The following NAV2 variants were observed in gnomAD, a reference collection of about 807,000 sequenced individuals.
NAV2 encodes neuron navigator 2, also known as helicase, APC down-regulated 1.
Under a neutral mutation model 223.2 loss-of-function variants are expected in NAV2, and 54 were observed. That is an observed-to-expected ratio of 0.24 (90% CI 0.19 to 0.30). NAV2 has a LOEUF of 0.30. Among genes scored for constraint, NAV2 ranks in the 10% least tolerant of loss-of-function variants. The pLI is 1.00. For synonymous variants in NAV2, 1,279 were observed against 1,239.3 expected (o/e 1.03, Z -0.67); for missense variants, 2,806 against 3,147.5 (o/e 0.89, Z 2.60).
chr11:19,892,444 C>G lies in NAV2; in HGVS notation c.781C>G (p.Pro261Ala). ...QAEMQSRLPGPTARVSAAGSE... is the reference protein window; with the variant it reads ...QAEMQSRLPGATARVSAAGSE... ...GCTTTTGCATTTTAGACTTCCAGGT[C>G]CTACCGCGAGGGTATCCGCTGCAGG... The change falls in exon 6 of 38, where the codon CCT becomes GCT. Residue 261 changes from proline to alanine, a missense_variant. Physicochemically the swap from Pro to Ala is conservative, Grantham distance 27. Around this residue, in one of 4 missense-constraint regions of NAV2, gnomAD observed 1,167 missense variants for 1,180.5 expected, o/e 0.99. Transcript: ENST00000349880. 6.2e-7 allele frequency: 1 copy of G among 1,613,822 alleles called. No individual in the cohort carries two copies. The highest frequency in any genetic ancestry group is 1.1e-5 in the South Asian group (1 of 90,994).
chr11:19,656,497 A>G (rs948591209), intron 1 of NAV2, among the ~76,000 whole-genome samples: 12 of 152,224 alleles, frequency 7.9e-5, no homozygotes, highest in African/African-American at 2.9e-4. Flanking sequence ...GGGAAGGAGC[A>G]CAGAGCCAGA....
At chr11:19,659,674 G>A (rs1186414217) in intron 1 of NAV2, among the ~76,000 whole-genome samples, 1 of 152,000 alleles carries the variant, frequency 6.6e-6, no homozygotes, top group Non-Finnish European at 1.5e-5. Context: ...GAAAGAGGGT[G>A]GACTCAAGAT....
rs77575761 is a variant in NAV2 at position 19,630,888 on chromosome 11, A to G, written c.76-201596A>G. On this transcript the variant is annotated intron_variant, in intron 1 of 37. Transcript: ENST00000360655. ...GAGACCCTGTTTCAAAAAGAAACACACATACACGCACCCCAAAACAAAGGG... is the reference window on the plus strand; with the variant it reads ...GAGACCCTGTTTCAAAAAGAAACACGCATACACGCACCCCAAAACAAAGGG... Among the ~76,000 whole-genome samples, 1,270 of 145,862 alleles carry G rather than the reference A, an allele frequency of 8.7e-3. 15 individuals are homozygous for G. Among genetic ancestry groups the G allele is most frequent in the South Asian group, 0.036 (160 of 4,428 alleles).
chr11:19,683,789 A>G (rs1056794507), intron 1 of NAV2, among the ~76,000 whole-genome samples: 29 of 152,368 alleles, frequency 1.9e-4, no homozygotes, highest in African/African-American at 6.7e-4. Flanking sequence ...AAACCAGCAC[A>G]AGGACAAGGC....
intron 1 of NAV2, among the ~76,000 whole-genome samples, chr11:19,363,287 C>T (rs1014904440): frequency 3.3e-5 from 5 of 152,188 alleles, no homozygotes; most frequent in African/African-American, 1.2e-4. Flanking sequence ...CAGCTTCATC[C>T]ATGTCCCTGC....
rs1400210308 is a variant in NAV2, at chr11:20,043,792, T to A, written c.2908-189T>A. Reference sequence around the variant, plus strand: ...TACATTGATATTATTTACTTTTTTATTTTTTTTTCCAAAAAAAAAAAATCA... The same window carrying A: ...TACATTGATATTATTTACTTTTTTAATTTTTTTTCCAAAAAAAAAAAATCA... On this transcript the variant is annotated intron_variant, in intron 12 of 37. Transcript: ENST00000349880. 10 of 547,206 alleles carry A rather than the reference T, an allele frequency of 1.8e-5. No homozygotes were observed. The East Asian group carries it at 2.9e-4, about 16-fold the overall frequency. The allele number at this position is 547,206 out of a possible 1,614,324, so 33.9% of individuals were successfully genotyped here.
intron 1 of NAV2, among the ~76,000 whole-genome samples, chr11:19,398,586 C>T (rs2133285729): frequency 6.6e-6 from 1 of 152,280 alleles, no homozygotes; most frequent in Non-Finnish European, 1.5e-5. Flanking sequence ...CAAGCCCCTG[C>T]TATGTTCCAT....
chr11:19,433,480 C>A (rs553581698), intron 1 of NAV2, among the ~76,000 whole-genome samples: 1 of 152,350 alleles, frequency 6.6e-6, no homozygotes, highest in Non-Finnish European at 1.5e-5. Flanking sequence ...GCTGACCTGC[C>A]TAAAAGGAGG....
intron 12 of NAV2, among the ~76,000 whole-genome samples, chr11:20,038,825 AG>A (rs1365028315): frequency 1.3e-5 from 2 of 152,200 alleles, no homozygotes. Flanking sequence ...CTGTTTGAAA[AG>A]CCTCTGAGAA....
intron 6 of NAV2, among the ~76,000 whole-genome samples, chr11:19,910,140 A>T (rs1348910966): frequency 2.6e-5 from 4 of 152,196 alleles, no homozygotes; most frequent in Non-Finnish European, 5.9e-5. Flanking sequence ...AAGAAACTAA[A>T]GTTCAGAGTG....
chr11:19,785,945 T>G (rs768159232), intron 1 of NAV2, among the ~76,000 whole-genome samples: 4 of 152,162 alleles, frequency 2.6e-5, no homozygotes, highest in Non-Finnish European at 5.9e-5. Context: ...CTTCCCAAGG[T>G]GCTTATCACT....
intron 1 of NAV2, among the ~76,000 whole-genome samples, chr11:19,521,978 G>A (rs2043672133): frequency 1.3e-5 from 2 of 152,210 alleles, no homozygotes; most frequent in Admixed American, 6.5e-5. Flanking sequence ...TTAGGCAGAT[G>A]GGTTTGGATC....
At chr11:20,066,197 G>A (rs537127912) in intron 20 of NAV2, among the ~76,000 whole-genome samples, 4 of 152,324 alleles carry the variant, frequency 2.6e-5, no homozygotes, top group African/African-American at 9.6e-5. Flanking sequence ...GCAACACAAG[G>A]TCAGGGACTT....
At chr11:20,043,721 C>T (rs1166147336) in intron 12 of NAV2, 6 of 404,202 alleles carry the variant, frequency 1.5e-5, no homozygotes, top group Non-Finnish European at 2.2e-5. Context: ...GGATTATAGG[C>T]GTGAGCCACT....
At chr11:19,591,969 T>G (rs1023882387) in intron 1 of NAV2, among the ~76,000 whole-genome samples, 2 of 152,164 alleles carry the variant, frequency 1.3e-5, no homozygotes, top group African/African-American at 4.8e-5. Context: ...GAGCAAAAGC[T>G]AAGGAGACAA....
At chr11:19,921,420 G>T (rs1337033414) in intron 6 of NAV2, among the ~76,000 whole-genome samples, 1 of 152,110 alleles carries the variant, frequency 6.6e-6, no homozygotes, top group Non-Finnish European at 1.5e-5. Context: ...CCTAAATTTT[G>T]AAGAACAAAA....
intron 1 of NAV2, among the ~76,000 whole-genome samples, chr11:19,716,986 G>A (rs1158005180): frequency 6.6e-6 from 1 of 152,130 alleles, no homozygotes; most frequent in Non-Finnish European, 1.5e-5. Context: ...TTAGAACTCG[G>A]GCAGTCTGGC....
intron 1 of NAV2, among the ~76,000 whole-genome samples, chr11:19,832,116 AG>A (rs2059978292): frequency 1.3e-5 from 2 of 152,168 alleles, no homozygotes; most frequent in East Asian, 1.9e-4. Flanking sequence ...AAAGAGAAAA[AG>A]ATGGGAAGGG....
chr11:19,953,861 G>GCA (rs1348582988), intron 10 of NAV2, among the ~76,000 whole-genome samples: 32 of 150,348 alleles, frequency 2.1e-4, no homozygotes, highest in Admixed American at 1.3e-4. Flanking sequence ...GCGCGCGCGT[G>GCA]TGTGTGTGTG....
Sources: allele counts gnomAD v4.1 joint callset (sites outside exome capture counted in the v4.1 genomes callset), GRCh38; gene constraint gnomAD v4.1.1; regional missense constraint gnomAD v4.1.1; transcripts MANE v1.5; gene names NCBI Gene and HGNC (gene_info 2026-07-23, HGNC 2026-07-21).